The following EPHA5 variants were observed in gnomAD, a reference collection of about 807,000 sequenced individuals.
EPHA5 encodes the protein ephrin type-A receptor 5.
In EPHA5, 60 loss-of-function variants were observed where a neutral mutation model predicts 105.0. That is an observed-to-expected ratio of 0.57 (90% CI 0.46 to 0.71). The LOEUF (loss-of-function observed/expected upper bound fraction) is 0.71. EPHA5 is among the 30% of genes least tolerant of loss of function. The pLI is 0.00. For synonymous variants in EPHA5, 513 were observed against 449.1 expected (o/e 1.14, Z -1.80); for missense variants, 1,218 against 1,274.7 (o/e 0.96, Z 0.68).
At chr4:65,611,801 C>G (rs1296545455) in intron 2 of EPHA5, among the ~76,000 whole-genome samples, 1 of 151,386 alleles carries the variant, frequency 6.6e-6, no homozygotes. Flanking sequence ...GGAAAACAGC[C>G]ACATTAGGGC....
At chr4:65,497,228 CTAAA>C (rs1048497963) in intron 3 of EPHA5, among the ~76,000 whole-genome samples, 15 of 152,104 alleles carry the variant, frequency 9.9e-5, no homozygotes, top group Non-Finnish European at 2.9e-5. Flanking sequence ...TTCTGATAGA[CTAAA>C]TGAACTGGGG....
intron 2 of EPHA5, among the ~76,000 whole-genome samples, chr4:65,625,069 T>C (rs1167292238): frequency 6.6e-6 from 1 of 152,320 alleles, no homozygotes; most frequent in East Asian, 1.9e-4. Context: ...AATTATTAAA[T>C]ATAGCACTAA....
At chr4:65,325,968 G>C (rs1720033931) in intron 16 of EPHA5, among the ~76,000 whole-genome samples, 1 of 149,698 alleles carries the variant, frequency 6.7e-6, no homozygotes. Flanking sequence ...TTTCCCCTTA[G>C]TGACAAAATC....
chr4:65,629,601 C>T (rs538580257), intron 2 of EPHA5, among the ~76,000 whole-genome samples: 19 of 152,250 alleles, frequency 1.2e-4, no homozygotes, highest in Admixed American at 6.5e-4. Flanking sequence ...ACATTGGTAA[C>T]TATTTTTATA....
intron 14 of EPHA5, among the ~76,000 whole-genome samples, chr4:65,336,669 T>C (rs1721217158): frequency 6.6e-6 from 1 of 152,102 alleles, no homozygotes. Context: ...GGTCTGACTG[T>C]TTATTATCAT....
At chr4:65,474,030 G>A (rs1430398497) in intron 5 of EPHA5, among the ~76,000 whole-genome samples, 3 of 150,978 alleles carry the variant, frequency 2.0e-5, no homozygotes, top group East Asian at 2.0e-4. Flanking sequence ...TGGGGTGGGG[G>A]GAGAGGGGAG....
intron 8 of EPHA5, among the ~76,000 whole-genome samples, chr4:65,397,685 A>T (rs1721380559): frequency 6.6e-6 from 1 of 151,878 alleles, no homozygotes; most frequent in South Asian, 2.1e-4. Flanking sequence ...TCCTTGTAAA[A>T]TGTGTTTCTT....
At chr4:65,329,271 C>A (rs562723689) in intron 16 of EPHA5, among the ~76,000 whole-genome samples, 1 of 151,390 alleles carries the variant, frequency 6.6e-6, no homozygotes, top group Non-Finnish European at 1.5e-5. Context: ...CAGTAGCAGA[C>A]AAACACATCT....
intron 7 of EPHA5, among the ~76,000 whole-genome samples, chr4:65,406,292 A>G (rs1357336354): frequency 6.6e-6 from 1 of 152,192 alleles, no homozygotes; most frequent in Admixed American, 6.5e-5. Flanking sequence ...GAAATTTTTT[A>G]TTCTTCTGCC....
chr4:65,630,070 C>G (rs1314526777), intron 2 of EPHA5, among the ~76,000 whole-genome samples: 7 of 60,464 alleles, frequency 1.2e-4, no homozygotes, highest in Non-Finnish European at 2.4e-4. Flanking sequence ...CACACACACT[C>G]TCTCTCTCTC....
chr4:65,349,376 C>G (rs1360552051), intron 13 of EPHA5, among the ~76,000 whole-genome samples: 8 of 151,968 alleles, frequency 5.3e-5, no homozygotes, highest in Non-Finnish European at 1.0e-4. Context: ...ACAATAAACA[C>G]TTTTATAATA....
chr4:65,477,988 C>T (rs1193738574), intron 5 of EPHA5, among the ~76,000 whole-genome samples: 3 of 152,094 alleles, frequency 2.0e-5, no homozygotes, highest in Non-Finnish European at 2.9e-5. Flanking sequence ...TTGATGACTT[C>T]TAAAAATATT....
At chr4:65,474,107 A>C (rs1293226897) in intron 5 of EPHA5, among the ~76,000 whole-genome samples, 1 of 152,062 alleles carries the variant, frequency 6.6e-6, no homozygotes, top group Non-Finnish European at 1.5e-5. Flanking sequence ...CCAACATGGC[A>C]CATGTATACA....
intron 3 of EPHA5, among the ~76,000 whole-genome samples, chr4:65,597,721 T>G (rs1743323477): frequency 6.6e-6 from 1 of 152,204 alleles, no homozygotes; most frequent in Admixed American, 6.5e-5. Context: ...GAGTATTTTG[T>G]TACCTCGTCA....
At chr4:65,582,913 C>A (rs1741776365) in intron 3 of EPHA5, among the ~76,000 whole-genome samples, 1 of 151,586 alleles carries the variant, frequency 6.6e-6, no homozygotes, top group Non-Finnish European at 1.5e-5. Context: ...TTTGACATTA[C>A]CTCCACATTT....
intron 3 of EPHA5, among the ~76,000 whole-genome samples, chr4:65,559,098 T>A (rs1045147861): frequency 3.9e-5 from 6 of 152,066 alleles, no homozygotes; most frequent in African/African-American, 9.7e-5. Context: ...AAGTAAACAA[T>A]TATCTCACAT....
At chr4:65,336,345 G>A (rs906279804) in intron 14 of EPHA5, among the ~76,000 whole-genome samples, 2 of 151,788 alleles carry the variant, frequency 1.3e-5, no homozygotes, top group African/African-American at 2.4e-5. Context: ...CTTTCTTCAC[G>A]TATTATAAAT....
chr4:65,341,156 T>C (rs979799664), intron 14 of EPHA5, among the ~76,000 whole-genome samples: 26 of 152,144 alleles, frequency 1.7e-4, no homozygotes, highest in African/African-American at 6.0e-4. Flanking sequence ...GATTAGCCTA[T>C]GGATTATGTC....
At chr4:65,603,722 T>C (rs11131604) in intron 2 of EPHA5, among the ~76,000 whole-genome samples, 74,795 of 151,872 alleles carry the variant, frequency 0.49, 20,122 homozygotes, top group Middle Eastern at 0.65. Flanking sequence ...AGATTTTATC[T>C]TGCCAAACAA....
Sources: allele counts gnomAD v4.1 joint callset (sites outside exome capture counted in the v4.1 genomes callset), GRCh38; gene constraint gnomAD v4.1.1; transcripts MANE v1.5; gene names NCBI Gene and HGNC (gene_info 2026-07-23, HGNC 2026-07-21).